KIFC3: variants seen among roughly 807,000 people sequenced by gnomAD.
KIFC3 encodes kinesin family member C3, also known as kinesin-like protein KIFC3.
Under a neutral mutation model 101.8 loss-of-function variants are expected in KIFC3, and 60 were observed. The observed-to-expected ratio is 0.59, with a 90% CI of 0.48 to 0.73. The LOEUF (loss-of-function observed/expected upper bound fraction) is 0.73, where lower values mean the gene tolerates loss of function less well. Ranked by LOEUF, KIFC3 falls within the 30% of genes least tolerant of loss-of-function variation. KIFC3 has a pLI of 0.00. For synonymous variants in KIFC3, 476 were observed against 482.7 expected (o/e 0.99, Z 0.18); for missense variants, 966 against 1,137.1 (o/e 0.85, Z 2.16).
chr16:57,833,721 C>T (rs1238619421), intron 1 of KIFC3, among the ~76,000 whole-genome samples: 2 of 151,880 alleles, frequency 1.3e-5, no homozygotes, highest in East Asian at 3.9e-4. Flanking sequence ...GGGGAGGGAC[C>T]CTAAAATTAC....
chr16:57,760,651 T>A (rs1555595509), intron 16 of KIFC3, 75 bp downstream of exon 16: 1 of 1,367,376 alleles, frequency 7.3e-7, no homozygotes, highest in East Asian at 2.3e-5. Context: ...TTGCACAGCC[T>A]GGGGTGACTG....
intron 1 of KIFC3, among the ~76,000 whole-genome samples, chr16:57,845,357 G>A (rs954009637): frequency 6.6e-6 from 1 of 152,142 alleles, no homozygotes; most frequent in African/African-American, 2.4e-5. Context: ...GCAACTCAGC[G>A]GCCTGACTGA....
At position 57,771,434 on chromosome 16, in the gene KIFC3, T is replaced by C; in HGVS notation, c.529A>G (p.Ser177Gly). The change falls in exon 6 of 20, where the codon AGC becomes GGC. Residue 177 changes from serine to glycine, a missense_variant. Around this residue, in one of 2 missense-constraint regions of KIFC3, gnomAD observed 277 missense variants for 252.5 expected, o/e 1.10. Coordinates refer to ENST00000445690, the MANE Select transcript of KIFC3 (RefSeq NM_001130100.2). Reference sequence around the variant, plus strand: ...GACAGCTTGTCACGGAGCTGGGCGCTCTCCTGCAGCCATTGGGAGGCACTG... The same window carrying C: ...GACAGCTTGTCACGGAGCTGGGCGCCCTCCTGCAGCCATTGGGAGGCACTG... ...PCPGCEHSQESAQLRDKLSQL... is the reference protein window; with the variant it reads ...PCPGCEHSQEGAQLRDKLSQL... The C allele has an allele frequency of 6.2e-7, 1 of 1,613,510 alleles. No individual in the cohort carries two copies. The highest frequency in any genetic ancestry group is 1.1e-5 in the South Asian group (1 of 91,082).
chr16:57,789,396 G>A (rs186650867), intron 3 of KIFC3, among the ~76,000 whole-genome samples: 2 of 152,380 alleles, frequency 1.3e-5, no homozygotes, highest in East Asian at 1.9e-4. Flanking sequence ...TCCAGAGAAC[G>A]TCACCTGCCG....
rs1021356046 is a variant in KIFC3 at position 57,802,114 on chromosome 16, C to T, written c.-40+256G>A. Among the ~76,000 whole-genome samples the T allele has an allele frequency of 6.6e-6, 1 of 152,230 alleles. No individual in the cohort carries two copies. Among genetic ancestry groups the T allele is most frequent in the African/African-American group, 2.4e-5 (1 of 41,472 alleles). On this transcript the variant is annotated intron_variant, in intron 1 of 19. Transcript: ENST00000445690. The surrounding 1 kb of genome is among the most constrained non-coding windows in gnomAD (Gnocchi z 5.0). ...TCGTTCAATAAAATCCAAACGGGGT[C>T]CCGAGGCTGCTCGGATCCCGTGGGA...
intron 3 of KIFC3, chr16:57,785,380 G>C (rs1299702455): frequency 2.6e-6 from 2 of 783,050 alleles, no homozygotes; most frequent in Non-Finnish European, 3.4e-6. Context: ...CCAGTAGCCT[G>C]GTGGGGTCAG....
At chr16:57,775,909 T>C in intron 3 of KIFC3, 1 of 985,450 alleles carries the variant, frequency 1.0e-6, no homozygotes, top group Non-Finnish European at 1.2e-6. Flanking sequence ...AGCAACTGAA[T>C]CACGGGCCTG....
In KIFC3 at chr16:57,770,572, C is replaced by T; in HGVS notation, c.894G>A (p.Gln298=). ...TCAGCTGGTGTGAGCTCTGCAGCTGCTGTTCCATCTCCTTCAGCACCTGCC... is the reference window on the plus strand; with the variant it reads ...TCAGCTGGTGTGAGCTCTGCAGCTGTTGTTCCATCTCCTTCAGCACCTGCC... ...MQRQVLKEME[Q]QLQSSHQLTA... The change falls in exon 7 of 20, where the codon CAG becomes CAA. Residue 298 remains glutamine (Q), a synonymous_variant. Transcript: ENST00000445690. 2.0e-6 allele frequency: 3 copies of T among 1,511,686 alleles called. No homozygotes were observed. The highest frequency in any genetic ancestry group is 2.7e-6 in the Non-Finnish European group (3 of 1,129,610). The allele number at this position is 1,511,686 out of a possible 1,614,324, so 93.6% of individuals were successfully genotyped here.
intron 1 of KIFC3, among the ~76,000 whole-genome samples, chr16:57,813,393 C>A (rs1382001094): frequency 6.6e-6 from 1 of 151,476 alleles, no homozygotes; most frequent in Non-Finnish European, 1.5e-5. Flanking sequence ...AAAGGAGAAG[C>A]CAGAGGATCT....
chr16:57,771,704 C>T lies in KIFC3; in HGVS notation c.382-18G>A, dbSNP rs782486254. On this transcript the variant is annotated intron_variant, in intron 4 of 19. Coordinates refer to ENST00000445690, the MANE Select transcript of KIFC3 (RefSeq NM_001130100.2). ...GTGCCCCCCTGCAGAGAGCCAGGGC[C>T]GAGGGGGCGCATGTGGCGAGGGCAG... 2.0e-5 allele frequency: 32 copies of T among 1,604,954 alleles called. No individual in the cohort carries two copies. In the South Asian group the frequency reaches 2.1e-4, roughly 11 times the overall value.
At chr16:57,766,696 C>T (rs1267562441) in intron 10 of KIFC3, among the ~76,000 whole-genome samples, 178 bp downstream of exon 10, 4 of 152,204 alleles carry the variant, frequency 2.6e-5, no homozygotes, top group Admixed American at 6.5e-5. Flanking sequence ...CCAAGGCAGA[C>T]CATTTAATAT....
upstream of KIFC3, among the ~76,000 whole-genome samples, chr16:57,804,334 A>G (rs1225819746): frequency 3.9e-5 from 6 of 152,184 alleles, no homozygotes; most frequent in African/African-American, 1.2e-4. Context: ...TGAACACCCT[A>G]TGAACACCAG....
In KIFC3 at chr16:57,837,176, A is replaced by G. The variant is rs2055703120; in HGVS notation, c.108+25553T>C. On this transcript the variant is annotated intron_variant, in intron 1 of 2. Coordinates refer to the KIFC3 transcript ENST00000563028. ...AGAGAAAAACATTACATCACTGACA[A>G]TGTAGCAGCAGGGCCAGGTGGTGGC... Among the ~76,000 whole-genome samples, 2 of 152,154 alleles carry G rather than the reference A, an allele frequency of 1.3e-5. 1 individual carries two copies. Among genetic ancestry groups the G allele is most frequent in the South Asian group, 4.1e-4 (2 of 4,828 alleles).
intron 1 of KIFC3, among the ~76,000 whole-genome samples, chr16:57,827,734 T>C (rs2055489543): frequency 6.6e-6 from 1 of 152,196 alleles, no homozygotes; most frequent in Non-Finnish European, 1.5e-5. Context: ...GCACAGCACG[T>C]GTCTCTCACA....
intron 1 of KIFC3, among the ~76,000 whole-genome samples, chr16:57,841,526 G>T (rs886593086): frequency 6.6e-5 from 10 of 152,144 alleles, no homozygotes; most frequent in Non-Finnish European, 1.3e-4. Context: ...AATTAGCCAG[G>T]CCTGGTGGCA....
intron 16 of KIFC3, 89 bp from the exon 17 acceptor site, chr16:57,760,505 A>C: frequency 2.0e-6 from 3 of 1,463,600 alleles, no homozygotes; most frequent in Non-Finnish European, 2.8e-6. Context: ...GGCCGTCAGA[A>C]GGCTTCCTGG....
intron 1 of KIFC3, chr16:57,810,709 A>G: frequency 2.0e-6 from 2 of 985,172 alleles, no homozygotes; most frequent in African/African-American, 1.7e-5. Context: ...GGACAGCTTC[A>G]TGCCAGGCAA....
At chr16:57,837,105 G>C (rs1240327694) in intron 1 of KIFC3, among the ~76,000 whole-genome samples, 2 of 152,170 alleles carry the variant, frequency 1.3e-5, no homozygotes, top group Non-Finnish European at 2.9e-5. Flanking sequence ...AAGGGTGACA[G>C]AGTTGGCGAG....
intron 2 of KIFC3, 29 bp from the exon 3 acceptor site, chr16:57,795,170 C>T (rs1555622168): frequency 1.9e-6 from 3 of 1,597,654 alleles, no homozygotes; most frequent in African/African-American, 2.7e-5. Flanking sequence ...ATAGGTGAGA[C>T]ACTCCGACCA....
Sources: allele counts gnomAD v4.1 joint callset (sites outside exome capture counted in the v4.1 genomes callset), GRCh38; gene constraint gnomAD v4.1.1; regional missense constraint gnomAD v4.1.1; non-coding constraint Gnocchi (gnomAD v3.1); transcripts MANE v1.5; gene names NCBI Gene and HGNC (gene_info 2026-07-23, HGNC 2026-07-21).